The following FAM151A variants were observed in gnomAD, a reference collection of about 807,000 sequenced individuals.
FAM151A encodes the protein family with sequence similarity 151 member A.
In FAM151A, 41 loss-of-function variants were observed where a neutral mutation model predicts 40.4. The ratio of observed to expected loss-of-function variants is 1.01; its 90% CI spans 0.79 to 1.32. FAM151A has a LOEUF of 1.32. Ranked by LOEUF, FAM151A falls within the 40% of genes most tolerant of loss-of-function variation. The pLI is 0.00. For synonymous variants in FAM151A, 337 were observed against 312.5 expected, an observed-to-expected ratio of 1.08 and a Z score of -0.83; for missense variants, 740 against 740.4, an observed-to-expected ratio of 1.00 and a Z score of 0.01.
intron 2 of FAM151A, 112 bp downstream of exon 2, chr1:54,619,752 A>G: frequency 8.9e-7 from 1 of 1,125,666 alleles, no homozygotes; most frequent in East Asian, 2.4e-5. Flanking sequence ...GCTGAAAGAC[A>G]TGTAAACAGC....
Position 54,609,259 on chromosome 1 carries a change from C to A in FAM151A, c.*9G>T. The A allele has an allele frequency of 6.3e-7, 1 of 1,599,920 alleles. No homozygotes were observed. Among genetic ancestry groups the A allele is most frequent in the South Asian group, 1.1e-5 (1 of 89,270 alleles). On this transcript the variant is annotated 3_prime_UTR_variant, in exon 8 of 8. Coordinates refer to ENST00000302250, the MANE Select transcript of FAM151A (RefSeq NM_176782.3). Reference sequence around the variant, plus strand: ...CCCTGAGGTCCGCTGGCCCACCACCCCTGGGTGCTCAGTTTCTACCAACAT... The same window carrying A: ...CCCTGAGGTCCGCTGGCCCACCACCACTGGGTGCTCAGTTTCTACCAACAT...
Position 54,611,739 on chromosome 1 carries a change from G to A in FAM151A, c.807C>T (p.Ser269=). 1 of 1,614,124 alleles carries A rather than the reference G, an allele frequency of 6.2e-7. No individual in the cohort carries two copies. The highest frequency in any genetic ancestry group is 8.5e-7 in the Non-Finnish European group (1 of 1,179,996). Residue 269 remains serine (S), a synonymous_variant, in exon 6 of 8, where the codon AGC becomes AGT. Transcript: ENST00000302250. ...SWLLSQSERY[S]LTLWQAASDP... ...CCGAGGCAGCCTGCCACAGCGTCAG[G>A]CTGTACCTGGGGACACGAGAGCTGG...
chr1:54,611,840 G>A, intron 5 of FAM151A, 95 bp from the exon 6 acceptor site: 1 of 1,485,052 alleles, frequency 6.7e-7, no homozygotes, highest in Non-Finnish European at 9.2e-7. Context: ...CTGGGCGCAG[G>A]GTAGAGCATC....
chr1:54,611,097 G>A (rs1644112612), intron 6 of FAM151A: 8 of 867,274 alleles, frequency 9.2e-6, no homozygotes, highest in African/African-American at 1.8e-5. Context: ...ACTGTTTTGA[G>A]CCGCTGTTTC....
chr1:54,620,960 G>C (rs1644224637), intron 1 of FAM151A, among the ~76,000 whole-genome samples: 1 of 146,038 alleles, frequency 6.8e-6, no homozygotes, highest in African/African-American at 2.5e-5. Flanking sequence ...AGGAGTTCAA[G>C]ACCAGCCTGG....
At chr1:54,614,081 T>C (rs1644145933) in intron 4 of FAM151A, among the ~76,000 whole-genome samples, 1 of 152,244 alleles carries the variant, frequency 6.6e-6, no homozygotes, top group Non-Finnish European at 1.5e-5. Flanking sequence ...CAAATTGAGC[T>C]TCCACTATTG....
rs775423980 is a variant in FAM151A, at chr1:54,619,907, G to A, written c.219C>T (p.Tyr73=). 6.2e-7 allele frequency: 1 copy of A among 1,614,128 alleles called. No homozygotes were observed. The highest frequency in any genetic ancestry group is 1.7e-5 in the Admixed American group (1 of 60,026). Residue 73 remains tyrosine, a synonymous_variant, in exon 2 of 8, where the codon TAC becomes TAT. Coordinates refer to ENST00000302250, the MANE Select transcript of FAM151A (RefSeq NM_176782.3). ...SRRDALEVTW[Y]HAANSKKAMT... The stretch of plus-strand genomic sequence containing the variant: ...TGGCTTTCTTGCTGTTGGCTGCGTG[G>A]TACCAGGTGACCTCCAAGGCATCTC...
chr1:54,610,339 G>T, intron 7 of FAM151A, 73 bp downstream of exon 7: 1 of 1,569,080 alleles, frequency 6.4e-7, no homozygotes, highest in African/African-American at 1.4e-5. Flanking sequence ...ACAGAGACCG[G>T]CGGTACCTGC....
chr1:54,616,679 A>G (rs1336323342), intron 2 of FAM151A, among the ~76,000 whole-genome samples: 1 of 152,120 alleles, frequency 6.6e-6, no homozygotes, highest in African/African-American at 2.4e-5. Context: ...GGCCCTATGC[A>G]TAGTTTTTAC....
chr1:54,620,230 G>A (rs547860844), intron 1 of FAM151A, among the ~76,000 whole-genome samples: 173 of 152,336 alleles, frequency 1.1e-3, no homozygotes, highest in African/African-American at 4.0e-3. Context: ...AGGAAAGGGG[G>A]CAGGTTCACA....
chr1:54,620,200 A>G (rs992893898), intron 1 of FAM151A, among the ~76,000 whole-genome samples, 193 bp from the exon 2 acceptor site: 3 of 152,202 alleles, frequency 2.0e-5, no homozygotes, highest in Admixed American at 6.5e-5. Context: ...AGGAAGCCTC[A>G]TTACCAGCCT....
Position 54,619,946 on chromosome 1 carries a change from G to A in FAM151A, c.180C>T (p.Gly60=), listed in dbSNP as rs1381507581. 1.2e-6 allele frequency: 2 copies of A among 1,614,034 alleles called. No homozygotes were observed. Among genetic ancestry groups the A allele is most frequent in the East Asian group, 2.2e-5 (1 of 44,892 alleles). Residue 60 remains glycine (G), a synonymous_variant, in exon 2 of 8, where the codon GGC becomes GGT. Coordinates refer to ENST00000302250, the MANE Select transcript of FAM151A (RefSeq NM_176782.3). ...CCAAGGCATCTCGCCGGCTGATCTG[G>A]CCCAGGCTCAGCAGGTAGTCCAGCA... ...ADMLDYLLSL[G]QISRRDALEV...
rs752805978 is a variant in FAM151A at position 54,616,085 on chromosome 1, G to A, written c.350C>T (p.Pro117Leu). The A allele has an allele frequency of 2.0e-5, 32 of 1,614,014 alleles. No individual in the cohort carries two copies. The highest frequency in any genetic ancestry group is 2.5e-5 in the Non-Finnish European group (29 of 1,180,002). ...ETGVPIMAHP[P>L]TIYSDNTLEQ... ...CAGTGTGTTGTCACTGTAGATAGTG[G>A]GGGGGTGTGCCATGATGGGAACTCC... Residue 117 changes from proline to leucine, a missense_variant, in exon 3 of 8, where the codon CCC becomes CTC. Coordinates refer to ENST00000302250, the MANE Select transcript of FAM151A (RefSeq NM_176782.3).
At chr1:54,610,030 T>A in intron 7 of FAM151A, 89 bp from the exon 8 acceptor site, 6 of 1,480,080 alleles carry the variant, frequency 4.1e-6, no homozygotes, top group Non-Finnish European at 1.8e-6. Flanking sequence ...GTGGGAGTTA[T>A]GGGGTCATCA....
chr1:54,623,190 G>A (rs966610047), intron 1 of FAM151A, 88 bp downstream of exon 1: 5 of 840,040 alleles, frequency 6.0e-6, no homozygotes, highest in Non-Finnish European at 9.6e-6. Flanking sequence ...AAAAAAAAAG[G>A]GACTGGTCAG....
intron 2 of FAM151A, 149 bp from the exon 3 acceptor site, chr1:54,616,321 C>T: frequency 2.7e-6 from 2 of 742,954 alleles, no homozygotes; most frequent in East Asian, 2.7e-5. Context: ...ATCATAGTTT[C>T]ACATTTCGAT....
At position 54,619,893 on chromosome 1, in the gene FAM151A, C is replaced by T. The variant is rs1315247458; in HGVS notation, c.233G>A (p.Ser78Asn). 1 of 1,614,108 alleles carries T rather than the reference C, an allele frequency of 6.2e-7. No homozygotes were observed. The highest frequency in any genetic ancestry group is 2.2e-5 in the East Asian group (1 of 44,882). ...LEVTWYHAANSKKAMTAALNS... is the reference protein window; with the variant it reads ...LEVTWYHAANNKKAMTAALNS... ...CAGGGCAGCTGTCATGGCTTTCTTG[C>T]TGTTGGCTGCGTGGTACCAGGTGAC... Residue 78 changes from serine (S) to asparagine (N), a missense_variant, in exon 2 of 8, where the codon AGC (serine) becomes AAC (asparagine). Transcript: ENST00000302250.
intron 2 of FAM151A, among the ~76,000 whole-genome samples, chr1:54,616,641 G>A (rs529553377): frequency 1.8e-4 from 27 of 152,300 alleles, no homozygotes; most frequent in Non-Finnish European, 2.8e-4. Flanking sequence ...CCAAAGTGCT[G>A]GGATTACAGG....
At chr1:54,611,232 G>A (rs919594040) in intron 6 of FAM151A, among the ~76,000 whole-genome samples, 1 of 151,998 alleles carries the variant, frequency 6.6e-6, no homozygotes, top group Non-Finnish European at 1.5e-5. Flanking sequence ...GCAGAAGTTC[G>A]AGACCAGCCT....
Sources: gnomAD v4.1 joint callset for allele counts (sites outside exome capture counted in the v4.1 genomes callset) on GRCh38, gnomAD v4.1.1 for gene constraint, MANE v1.5 for transcripts, NCBI Gene and HGNC (gene_info 2026-07-23, HGNC 2026-07-21) for gene names.